The following TBCE variants were observed in gnomAD, a reference collection of about 807,000 sequenced individuals.
TBCE encodes the protein tubulin folding cofactor E, also known as tubulin-specific chaperone E.
In TBCE, 53 loss-of-function variants were observed where a neutral mutation model predicts 77.0. The observed-to-expected ratio is 0.69, with a 90% CI of 0.55 to 0.87. The LOEUF (loss-of-function observed/expected upper bound fraction) is 0.87. TBCE is among the 40% of genes least tolerant of loss of function. TBCE has a pLI of 0.00. For synonymous variants in TBCE, 235 were observed against 241.3 expected (o/e 0.97, Z 0.24); for missense variants, 624 against 622.4 (o/e 1.00, Z -0.03).
chr1:235,420,348 T>C (rs1680331906), intron 5 of TBCE, among the ~76,000 whole-genome samples: 1 of 151,498 alleles, frequency 6.6e-6, no homozygotes, highest in South Asian at 2.1e-4. Flanking sequence ...GGAGTCTTGC[T>C]CTGTTGCCTA....
At chr1:235,418,168 C>T (rs111617130) in intron 4 of TBCE, among the ~76,000 whole-genome samples, 10,208 of 152,212 alleles carry the variant, frequency 0.067, 645 homozygotes, top group African/African-American at 0.17. Context: ...TCAGAATTTC[C>T]TTCCTTTTTT....
chr1:235,389,481 C>T (rs988371158), intron 2 of TBCE, among the ~76,000 whole-genome samples: 1 of 152,124 alleles, frequency 6.6e-6, no homozygotes, highest in Non-Finnish European at 1.5e-5. Flanking sequence ...GCACCTGCCA[C>T]CACACACAGC....
At chr1:235,431,759 G>A (rs1379575582) in intron 7 of TBCE, among the ~76,000 whole-genome samples, 5 of 149,612 alleles carry the variant, frequency 3.3e-5, no homozygotes, top group African/African-American at 9.9e-5. Context: ...TGCAACCTCC[G>A]CCTCCCAGGT....
Position 235,449,926 on chromosome 1 carries a change from G to C in TBCE, c.*1164G>C, listed in dbSNP as rs1287365094. On this transcript the variant is annotated 3_prime_UTR_variant, in exon 17 of 17. Coordinates refer to ENST00000642610, the MANE Select transcript of TBCE (RefSeq NM_003193.5). ...ATTACTAATTAGCCACAATGCATCA[G>C]GATTTAGAAATATTTTTTCTTTTAT... 10 of 288,846 alleles carry C rather than the reference G, an allele frequency of 3.5e-5. No homozygotes were observed. The highest frequency in any genetic ancestry group is 6.6e-5 in the Non-Finnish European group (10 of 151,758). 17.9% of individuals were successfully genotyped at this position (288,846 alleles called of 1,614,324 possible).
At chr1:235,440,538 G>A (rs1347496344) in intron 13 of TBCE, among the ~76,000 whole-genome samples, 8 of 152,096 alleles carry the variant, frequency 5.3e-5, no homozygotes, top group East Asian at 1.9e-4. Context: ...GATTACAGGC[G>A]TCTGCCACCA....
At position 235,448,831 on chromosome 1, in the gene TBCE, C is replaced by A; in HGVS notation, c.*69C>A. ...TGGGGTTCACCGGAAATAAATGATT[C>A]ACTGGAACAATTCTACTGTCAAAAC... On this transcript the variant is annotated 3_prime_UTR_variant, in exon 17 of 17. Transcript: ENST00000642610. 2.6e-6 allele frequency: 3 copies of A among 1,133,818 alleles called. No individual in the cohort carries two copies. Among genetic ancestry groups the A allele is most frequent in the Non-Finnish European group, 4.0e-6 (3 of 752,888 alleles). 70.2% of individuals were successfully genotyped at this position (1,133,818 alleles called of 1,614,324 possible).
rs1173320293 is a variant in TBCE, at chr1:235,450,848, T to C, written c.*2086T>C. 6.5e-6 allele frequency: 1 copy of C among 152,802 alleles called. No homozygotes were observed. The highest frequency in any genetic ancestry group is 1.5e-5 in the Non-Finnish European group (1 of 68,558). The allele number at this position is 152,802 out of a possible 1,614,324, so 9.5% of individuals were successfully genotyped here. A position where few individuals can be genotyped will look rare whatever the true frequency, so the allele number is the denominator to read the frequency against. On this transcript the variant is annotated 3_prime_UTR_variant, in exon 17 of 17. Coordinates refer to ENST00000642610, the MANE Select transcript of TBCE (RefSeq NM_003193.5). ...TGTTCCAGGTCACAGGGCTGGTAAA[T>C]GAAGAGGAGGGATTAAAGACTCCCA...
At chr1:235,374,244 C>T (rs1337333190) in intron 1 of TBCE, among the ~76,000 whole-genome samples, 2 of 146,294 alleles carry the variant, frequency 1.4e-5, no homozygotes, top group Admixed American at 6.8e-5. Flanking sequence ...GCGTGAGCCA[C>T]TTTGCCTAGC....
chr1:235,409,461 T>C (rs1679648285), intron 3 of TBCE, among the ~76,000 whole-genome samples: 1 of 152,152 alleles, frequency 6.6e-6, no homozygotes, highest in Non-Finnish European at 1.5e-5. Flanking sequence ...TTTGTTGTTA[T>C]TGATGGGCAC....
chr1:235,417,896 G>A (rs1401577648), intron 4 of TBCE, among the ~76,000 whole-genome samples: 1 of 152,102 alleles, frequency 6.6e-6, no homozygotes, highest in African/African-American at 2.4e-5. Flanking sequence ...CCCTGTCTCA[G>A]CCTCCTGAGT....
chr1:235,451,994 CTCAA>C lies in TBCE; in HGVS notation c.*3236_*3239del, dbSNP rs1194644935. 2.7e-5 allele frequency: 4 copies of C among 149,076 alleles called. No homozygotes were observed. Among genetic ancestry groups the C allele is most frequent in the African/African-American group, 1.0e-4 (4 of 39,882 alleles). 9.2% of individuals were successfully genotyped at this position (149,076 alleles called of 1,614,324 possible). ...GTTGAAGGATCCTTAGACTGCCACA[CTCAA>C]TCAGTGGATTCTGTCGTTCAGTTTT... On this transcript the variant is annotated 3_prime_UTR_variant, in exon 17 of 17. Coordinates refer to ENST00000642610, the MANE Select transcript of TBCE (RefSeq NM_003193.5).
At chr1:235,405,016 G>T (rs1467514130) in intron 3 of TBCE, among the ~76,000 whole-genome samples, 1 of 149,638 alleles carries the variant, frequency 6.7e-6, no homozygotes, top group African/African-American at 2.5e-5. Flanking sequence ...ACGCTGGAGT[G>T]CAGTGGCACA....
At chr1:235,372,126 C>T (rs920484881) in intron 1 of TBCE, among the ~76,000 whole-genome samples, 2 of 152,166 alleles carry the variant, frequency 1.3e-5, no homozygotes, top group African/African-American at 4.8e-5. Context: ...GGCCTATAGG[C>T]GTGCACCACC....
In TBCE at chr1:235,402,615, TTTTG is replaced by T. The variant is rs576389697; in HGVS notation, c.185+1037_185+1040del. On this transcript the variant is annotated intron_variant, in intron 3 of 16. Transcript: ENST00000642610. ...CCTCTAGCCTGTTTTTAACAGTCTT[TTTTG>T]TTTGTTTGGTTGGTTTATTTGTTTA... 6.0e-4 allele frequency among the ~76,000 whole-genome samples: 91 copies of T among 152,172 alleles called. No individual in the cohort carries two copies. In the East Asian group the frequency reaches 0.017, roughly 28 times the overall value.
chr1:235,371,931 C>T (rs1300109778), intron 1 of TBCE, among the ~76,000 whole-genome samples: 1 of 152,124 alleles, frequency 6.6e-6, no homozygotes, highest in Non-Finnish European at 1.5e-5. Flanking sequence ...GCCTTGGCCT[C>T]CCGAAGTGCT....
At chr1:235,369,630 T>C (rs1268526075) in intron 1 of TBCE, among the ~76,000 whole-genome samples, 1 of 151,266 alleles carries the variant, frequency 6.6e-6, no homozygotes, top group Non-Finnish European at 1.5e-5. Context: ...AAGACCAGCC[T>C]GGCCAAAGTG....
rs1385538991 is a variant in TBCE, at chr1:235,449,075, A to G, written c.*313A>G. The G allele has an allele frequency of 3.0e-6, 1 of 330,840 alleles. No homozygotes were observed. The highest frequency in any genetic ancestry group is 5.8e-6 in the Non-Finnish European group (1 of 173,816). The allele number at this position is 330,840 out of a possible 1,614,324, so 20.5% of individuals were successfully genotyped here. A position where few individuals can be genotyped will look rare whatever the true frequency, so the allele number is the denominator to read the frequency against. On this transcript the variant is annotated 3_prime_UTR_variant, in exon 17 of 17. Transcript: ENST00000642610. ...AAACTAGCTAGCCTAATAAAATCTG[A>G]ACACAGTTAATATCTGTCATAAGAC...
chr1:235,427,044 A>G, intron 5 of TBCE, 96 bp from the exon 6 acceptor site: 1 of 865,088 alleles, frequency 1.2e-6, no homozygotes. Flanking sequence ...GTATAAAATG[A>G]AAAGTTAAAA....
At chr1:235,388,607 G>A (rs68180524) in intron 2 of TBCE, among the ~76,000 whole-genome samples, 24,887 of 152,040 alleles carry the variant, frequency 0.16, 2,828 homozygotes, top group African/African-American at 0.32. Flanking sequence ...TTACTTCTAA[G>A]GAATGTGAAT....
Sources: gnomAD v4.1 joint callset for allele counts (sites outside exome capture counted in the v4.1 genomes callset) on GRCh38, gnomAD v4.1.1 for gene constraint, MANE v1.5 for transcripts, NCBI Gene and HGNC (gene_info 2026-07-23, HGNC 2026-07-21) for gene names.